The following MBNL2 variants were observed in gnomAD, a reference collection of about 807,000 sequenced individuals.
MBNL2 encodes muscleblind like splicing regulator 2, also known as muscleblind-like protein 2.
In MBNL2, 17 loss-of-function variants were observed where a neutral mutation model predicts 41.9. That is an observed-to-expected ratio of 0.41 (90% CI 0.28 to 0.61). The LOEUF is 0.61. Among genes scored for constraint, MBNL2 ranks in the 20% least tolerant of loss-of-function variants. The pLI is 0.35. For missense variants in MBNL2, 336 were observed against 505.6 expected, an observed-to-expected ratio of 0.66 and a Z score of 3.22; for synonymous variants, 195 against 182.9, an observed-to-expected ratio of 1.07 and a Z score of -0.53.
In MBNL2 at chr13:97,380,226, GCTCATGCCTATAATTC is replaced by G. The variant is rs140813808; in HGVS notation, c.1049-11094_1049-11079del. On this transcript the variant is annotated intron_variant, in intron 8 of 8. Transcript: ENST00000679496. The stretch of plus-strand genomic sequence containing the variant: ...AACCCACCTTGAGCTGGGCGCAGTG[GCTCATGCCTATAATTC>G]CAACACTTTGGGAGGCTGAGGTGGG... Among the ~76,000 whole-genome samples, 1,224 of 152,216 alleles carry G rather than the reference GCTCATGCCTATAATTC, an allele frequency of 8.0e-3. 22 individuals are homozygous for G. Among genetic ancestry groups the G allele is most frequent in the African/African-American group, 0.027 (1,134 of 41,520 alleles).
At chr13:97,213,637 C>T in the MBNL2 span, among the ~76,000 whole-genome samples, 17 of 150,988 alleles carry the variant, frequency 1.1e-4, no homozygotes, top group Admixed American at 7.9e-4. Flanking sequence ...GTGAGATTCT[C>T]GGGGTCCCAT....
Position 97,366,532 on chromosome 13 carries a change from A to G in MBNL2, c.1048+1361A>G. On this transcript the variant is annotated intron_variant, in intron 8 of 8. Transcript: ENST00000679496. The surrounding 1 kb of genome is among the most constrained non-coding windows in gnomAD (Gnocchi z 4.7). Reference sequence around the variant, plus strand: ...CTCCTGCAACAAGTGTCCCCTTCGCAGCAACAGCCACAGCCAATCAGGTTT... The same window carrying G: ...CTCCTGCAACAAGTGTCCCCTTCGCGGCAACAGCCACAGCCAATCAGGTTT... The G allele has an allele frequency of 1.2e-6, 2 of 1,612,640 alleles. No individual in the cohort carries two copies. Among genetic ancestry groups the G allele is most frequent in the Middle Eastern group, 1.7e-4 (1 of 6,056 alleles).
At chr13:97,258,585 G>A (rs1159146290) in intron 1 of MBNL2, among the ~76,000 whole-genome samples, 2 of 152,184 alleles carry the variant, frequency 1.3e-5, no homozygotes, top group Non-Finnish European at 2.9e-5. Context: ...ACCTGTGTGT[G>A]AGATCCTGCT....
chr13:97,364,636 T>C (rs188357489), intron 7 of MBNL2, among the ~76,000 whole-genome samples: 6 of 152,276 alleles, frequency 3.9e-5, no homozygotes, highest in Admixed American at 3.9e-4. Flanking sequence ...CAAGTAAACG[T>C]TTAATGCAGT....
chr13:97,254,252 A>G (rs940463747), intron 1 of MBNL2, among the ~76,000 whole-genome samples: 1 of 152,208 alleles, frequency 6.6e-6, no homozygotes, highest in Non-Finnish European at 1.5e-5. Context: ...AAGCATTTAG[A>G]TATTTAGATT....
At chr13:97,149,666 G>T in the MBNL2 span, among the ~76,000 whole-genome samples, 2 of 152,122 alleles carry the variant, frequency 1.3e-5, no homozygotes, top group African/African-American at 4.8e-5. Flanking sequence ...TTTAGAGAGG[G>T]TCAGCTGCCC....
intron 1 of MBNL2, among the ~76,000 whole-genome samples, chr13:97,270,921 A>AT (rs1848079946): frequency 6.6e-6 from 1 of 152,114 alleles, no homozygotes; most frequent in Non-Finnish European, 1.5e-5. Context: ...ACAGGTGCCT[A>AT]TGCTAACAGT....
the MBNL2 span, among the ~76,000 whole-genome samples, chr13:97,198,738 CTT>C: frequency 2.6e-5 from 4 of 152,062 alleles, no homozygotes; most frequent in African/African-American, 9.7e-5. Context: ...GCTTCTCTCT[CTT>C]TTTCTTTTCA....
chr13:97,199,075 CA>C, the MBNL2 span, among the ~76,000 whole-genome samples: 2 of 152,106 alleles, frequency 1.3e-5, no homozygotes, highest in South Asian at 4.2e-4. Flanking sequence ...TATCCATATC[CA>C]CCTTTCTCCT....
At chr13:97,379,135 A>C (rs2065210766) in intron 8 of MBNL2, among the ~76,000 whole-genome samples, 1 of 152,238 alleles carries the variant, frequency 6.6e-6, no homozygotes, top group Admixed American at 6.5e-5. Flanking sequence ...TTGCTTTGAA[A>C]AGTTTTGACT....
chr13:97,163,919 A>T, the MBNL2 span, among the ~76,000 whole-genome samples: 1 of 152,196 alleles, frequency 6.6e-6, no homozygotes, highest in African/African-American at 2.4e-5. Flanking sequence ...GCCTGGGGCT[A>T]CCAGAAGCTG....
intron 1 of MBNL2, among the ~76,000 whole-genome samples, chr13:97,234,454 C>A (rs1410026630): frequency 6.6e-6 from 1 of 152,128 alleles, no homozygotes; most frequent in Non-Finnish European, 1.5e-5. Flanking sequence ...AGAGGTGGGG[C>A]TCTTTAACTT....
the MBNL2 span, among the ~76,000 whole-genome samples, chr13:97,165,533 T>C: frequency 6.6e-6 from 1 of 152,188 alleles, no homozygotes; most frequent in African/African-American, 2.4e-5. Flanking sequence ...GTTGGGAGGT[T>C]TAGGGTTTAC....
chr13:97,232,415 A>T (rs2042509988), intron 1 of MBNL2, among the ~76,000 whole-genome samples: 1 of 152,206 alleles, frequency 6.6e-6, no homozygotes, highest in African/African-American at 2.4e-5. Context: ...CATTTATTGA[A>T]TTTATTGAGC....
chr13:97,158,789 A>G, the MBNL2 span, among the ~76,000 whole-genome samples: 1 of 151,974 alleles, frequency 6.6e-6, no homozygotes, highest in African/African-American at 2.4e-5. Context: ...CTTCTTTTAC[A>G]TTTGCTGAGG....
At chr13:97,267,671 A>G (rs1187744986) in intron 1 of MBNL2, among the ~76,000 whole-genome samples, 2 of 152,180 alleles carry the variant, frequency 1.3e-5, no homozygotes, top group Non-Finnish European at 2.9e-5. Context: ...CTAGAAGGCT[A>G]TGGGTCATTG....
chr13:97,321,759 T>A (rs1267505497), intron 2 of MBNL2, among the ~76,000 whole-genome samples: 1 of 152,196 alleles, frequency 6.6e-6, no homozygotes, highest in Non-Finnish European at 1.5e-5. Flanking sequence ...AGTTCCATCG[T>A]GAGTTTCTTA....
intron 1 of MBNL2, among the ~76,000 whole-genome samples, chr13:97,240,568 C>T (rs1032861421): frequency 4.6e-5 from 7 of 152,182 alleles, no homozygotes; most frequent in African/African-American, 1.2e-4. Context: ...GGGGCTTTGA[C>T]ATGACTATTT....
the MBNL2 span, among the ~76,000 whole-genome samples, chr13:97,143,381 T>G: frequency 2.0e-5 from 3 of 152,216 alleles, no homozygotes; most frequent in Non-Finnish European, 4.4e-5. Context: ...TTGAAGGACC[T>G]TCCTGCCATC....
Sources: allele counts gnomAD v4.1 joint callset (sites outside exome capture counted in the v4.1 genomes callset), GRCh38; gene constraint gnomAD v4.1.1; non-coding constraint Gnocchi (gnomAD v3.1); transcripts MANE v1.5; gene names NCBI Gene and HGNC (gene_info 2026-07-23, HGNC 2026-07-21).